The following HGFAC variants were observed in gnomAD, a reference collection of about 807,000 sequenced individuals.
HGFAC encodes the protein HGF activator.
Under a neutral mutation model 70.6 loss-of-function variants are expected in HGFAC, and 76 were observed. The ratio of observed to expected loss-of-function variants is 1.08; its 90% confidence interval spans 0.89 to 1.30. The LOEUF is 1.30. HGFAC is among the 50% of genes most tolerant of loss of function. The pLI is 0.00. For synonymous variants in HGFAC, 464 were observed against 405.3 expected, an observed-to-expected ratio of 1.14 and a Z score of -1.74; for missense variants, 1,044 against 933.7, an observed-to-expected ratio of 1.12 and a Z score of -1.54.
intron 5 of HGFAC, 42 bp from the exon 6 acceptor site, chr4:3,444,269 C>T (rs764815435): frequency 7.0e-6 from 11 of 1,568,306 alleles, no homozygotes; most frequent in Non-Finnish European, 9.5e-6. Flanking sequence ...TGCACGGGGA[C>T]AGCAGGTGGC....
chr4:3,445,913 G>T (rs746376115), intron 9 of HGFAC, 129 bp from the exon 10 acceptor site: 3 of 1,551,118 alleles, frequency 1.9e-6, no homozygotes, highest in African/African-American at 2.7e-5. Context: ...GGGCGCCAGG[G>T]CCTGAGCAGC....
In HGFAC at chr4:3,449,388, G is replaced by A. The variant is rs199995558; in HGVS notation, c.1937G>A (p.Arg646Gln). ...NYVDWINDRIRPPRRLVAPS is the reference protein window; with the variant it reads ...NYVDWINDRIQPPRRLVAPS The stretch of plus-strand genomic sequence containing the variant: ...GTGGACTGGATCAACGACCGGATAC[G>A]GCCTCCCAGGCGGCTTGTGGCTCCC... Residue 646 changes from arginine (R) to glutamine (Q), a missense_variant, in exon 14 of 14, where the codon CGG (arginine) becomes CAG (glutamine). By Grantham distance (43) the Arg-to-Gln change is conservative. Transcript: ENST00000382774. 16 of 1,572,932 alleles carry A rather than the reference G, an allele frequency of 1.0e-5. No individual in the cohort carries two copies. In the African/African-American group the frequency reaches 1.9e-4, roughly 19 times the overall value.
At position 3,441,970 on chromosome 4, in the gene HGFAC, C is replaced by T; in HGVS notation, c.-32C>T. On this transcript the variant is annotated 5_prime_UTR_variant, in exon 1 of 14. Coordinates refer to ENST00000382774, the MANE Select transcript of HGFAC (RefSeq NM_001528.4). This position sits in a 1 kb window ranked among gnomAD's most constrained non-coding sequence, Gnocchi z 6.0. ...CCTGCCTTGGCCGCTCTGCTCCCGCCTCCCACTGCCCCTCAGGCCAGCTCA... is the reference window on the plus strand; with the variant it reads ...CCTGCCTTGGCCGCTCTGCTCCCGCTTCCCACTGCCCCTCAGGCCAGCTCA... The T allele has an allele frequency of 2.3e-6, 3 of 1,296,212 alleles. No homozygotes were observed. The highest frequency in any genetic ancestry group is 3.1e-6 in the Non-Finnish European group (3 of 974,350). 80.3% of individuals were successfully genotyped at this position (1,296,212 alleles called of 1,614,324 possible).
chr4:3,444,055 T>G lies in HGFAC; in HGVS notation c.492T>G (p.Cys164Trp), dbSNP rs1252263864. Residue 164 changes from cysteine (C) to tryptophan (W), a missense_variant, in exon 5 of 14, where the codon TGT becomes TGG. Cys to Trp is a radical substitution (Grantham distance 215). Coordinates refer to ENST00000382774, the MANE Select transcript of HGFAC (RefSeq NM_001528.4). ...PPGGPAALDP[C>W]ASGPCLNGGS... ...TGTCCCCAGCTGCCCTGGATCCCTG[T>G]GCCTCCGGCCCCTGCCTCAATGGAG... 6.3e-7 allele frequency: 1 copy of G among 1,597,204 alleles called. No homozygotes were observed. The highest frequency in any genetic ancestry group is 1.7e-5 in the Admixed American group (1 of 57,850).
chr4:3,446,192 C>G lies in HGFAC; in HGVS notation c.1253C>G (p.Ser418Trp). The G allele has an allele frequency of 1.2e-6, 2 of 1,611,072 alleles. No homozygotes were observed. Among genetic ancestry groups the G allele is most frequent in the Middle Eastern group, 1.7e-4 (1 of 6,052 alleles). Residue 418 changes from serine (S) to tryptophan (W), a missense_variant, in exon 10 of 14, where the codon TCG becomes TGG. Transcript: ENST00000382774. ...IIGGSSSLPG[S>W]HPWLAAIYIG... ...GGCGGCTCCTCCTCGCTGCCCGGCT[C>G]GCACCCCTGGCTGGCCGCCATCTAC...
In HGFAC at chr4:3,446,280, C is replaced by T. The variant is rs1335896287; in HGVS notation, c.1341C>T (p.His447=). The part of the protein sequence containing the change: ...VHTCWVVSAA[H]CFSHSPPRDS... The stretch of plus-strand genomic sequence containing the variant: ...CCTGCTGGGTGGTGTCGGCCGCCCA[C>T]TGCTTCTCCCACAGGTGCACCTCCT... Residue 447 remains histidine (H), a synonymous_variant, in exon 10 of 14, where the codon CAC becomes CAT. Coordinates refer to ENST00000382774, the MANE Select transcript of HGFAC (RefSeq NM_001528.4). 1.2e-6 allele frequency: 2 copies of T among 1,607,202 alleles called. No individual in the cohort carries two copies. Among genetic ancestry groups the T allele is most frequent in the South Asian group, 1.1e-5 (1 of 90,604 alleles).
chr4:3,446,620 C>G (rs180783215), intron 10 of HGFAC, among the ~76,000 whole-genome samples: 1 of 152,130 alleles, frequency 6.6e-6, no homozygotes, highest in East Asian at 1.9e-4. Context: ...AGTCCTGGCT[C>G]TCAGTAGGGA....
chr4:3,445,570 G>A, intron 9 of HGFAC: 1 of 606,528 alleles, frequency 1.6e-6, no homozygotes, highest in Non-Finnish European at 2.9e-6. Context: ...CCAGGCGACG[G>A]CCTCGGGGTG....
rs551446581 is a variant in HGFAC at position 3,444,366 on chromosome 4, C to T, written c.654C>T (p.Ala218=). 63 of 1,601,804 alleles carry T rather than the reference C, an allele frequency of 3.9e-5. No individual in the cohort carries two copies. The East Asian group carries it at 1.3e-3, about 33-fold the overall frequency. Residue 218 remains alanine, a synonymous_variant, in exon 6 of 14, where the codon GCC becomes GCT. Transcript: ENST00000382774. Reference sequence around the variant, plus strand: ...ACCTGGAGGGGGGCGACCGCTGGGCCCGCGTGCGCCAGGGCCACGTGGAAC... The same window carrying T: ...ACCTGGAGGGGGGCGACCGCTGGGCTCGCGTGCGCCAGGGCCACGTGGAAC... ...YEYLEGGDRW[A]RVRQGHVEQC... is the part of the protein sequence containing the mutation.
In HGFAC at chr4:3,445,304, G is replaced by A; in HGVS notation, c.1056G>A (p.Val352=). ...DNDERPWCYV[V]KDSALSWEYC... Reference sequence around the variant, plus strand: ...ACGAGAGGCCCTGGTGCTACGTGGTGAAGGACAGCGCGCTCTCCTGGGAGT... The same window carrying A: ...ACGAGAGGCCCTGGTGCTACGTGGTAAAGGACAGCGCGCTCTCCTGGGAGT... Residue 352 remains valine, a synonymous_variant, in exon 9 of 14, where the codon GTG becomes GTA. Coordinates refer to ENST00000382774, the MANE Select transcript of HGFAC (RefSeq NM_001528.4). 1 of 1,589,346 alleles carries A rather than the reference G, an allele frequency of 6.3e-7. No homozygotes were observed. The highest frequency in any genetic ancestry group is 8.6e-7 in the Non-Finnish European group (1 of 1,168,866).
chr4:3,443,615 T>A (rs910635867), intron 4 of HGFAC, among the ~76,000 whole-genome samples, 195 bp downstream of exon 4: 2 of 152,184 alleles, frequency 1.3e-5, no homozygotes, highest in East Asian at 3.9e-4. Flanking sequence ...TCATGGTGGC[T>A]GCGCGGCCAT....
At position 3,448,680 on chromosome 4, in the gene HGFAC, C is replaced by G. The variant is rs550668432; in HGVS notation, c.1785+404C>G. Among the ~76,000 whole-genome samples the G allele has an allele frequency of 4.6e-5, 7 of 152,362 alleles. No homozygotes were observed. The South Asian group carries it at 1.4e-3, about 32-fold the overall frequency. On this transcript the variant is annotated intron_variant, in intron 13 of 13. Transcript: ENST00000382774. Reference sequence around the variant, plus strand: ...CCTTCAATAAGCCCAACAGCCCAACCACGTCCTGGGCTCTGCAGGCCTGTG... The same window carrying G: ...CCTTCAATAAGCCCAACAGCCCAACGACGTCCTGGGCTCTGCAGGCCTGTG...
chr4:3,444,768 A>G (rs1209236125), intron 7 of HGFAC, 35 bp downstream of exon 7: 37 of 1,576,280 alleles, frequency 2.3e-5, no homozygotes, highest in Non-Finnish European at 3.2e-5. Context: ...GCCCTGGGGC[A>G]GTGCCGGGTG....
In HGFAC at chr4:3,448,013, G is replaced by C; in HGVS notation, c.1614G>C (p.Ala538=). 1.3e-6 allele frequency: 2 copies of C among 1,564,422 alleles called. No individual in the cohort carries two copies. The highest frequency in any genetic ancestry group is 1.7e-6 in the Non-Finnish European group (2 of 1,155,278). ...TFPAGHKCQI[A]GWGHLDENVS... ...CCGCAGGACACAAGTGCCAGATTGC[G>C]GGCTGGGGCCACTTGGATGAGAGTG... Residue 538 remains alanine (A), a synonymous_variant, in exon 12 of 14, where the codon GCG becomes GCC. Coordinates refer to ENST00000382774, the MANE Select transcript of HGFAC (RefSeq NM_001528.4).
chr4:3,443,021 G>A, intron 2 of HGFAC, 29 bp from the exon 3 acceptor site: 3 of 1,566,942 alleles, frequency 1.9e-6, no homozygotes, highest in Non-Finnish European at 2.6e-6. Context: ...CCTCGAGGGA[G>A]CCCTGACCCT....
In HGFAC at chr4:3,448,192, C is replaced by T. The variant is rs1378167664; in HGVS notation, c.1701C>T (p.Cys567=). 3.7e-6 allele frequency: 6 copies of T among 1,605,744 alleles called. No homozygotes were observed. Among genetic ancestry groups the T allele is most frequent in the Non-Finnish European group, 5.1e-6 (6 of 1,177,562 alleles). ...TCCCCCTGGTCGCCGACCACAAGTG[C>T]AGCAGCCCTGAGGTCTACGGCGCCG... is the stretch of plus-strand genomic sequence containing the variant. The part of the protein sequence containing the change: ...ALVPLVADHK[C]SSPEVYGADI... The change falls in exon 13 of 14, where the codon TGC becomes TGT. Residue 567 remains cysteine (C), a synonymous_variant. Coordinates refer to ENST00000382774, the MANE Select transcript of HGFAC (RefSeq NM_001528.4).
intron 6 of HGFAC, 53 bp downstream of exon 6, chr4:3,444,495 C>T: frequency 2.0e-6 from 3 of 1,535,904 alleles, no homozygotes; most frequent in East Asian, 4.6e-5. Context: ...TGTCCCTGTC[C>T]ACACCCGAGT....
Position 3,444,847 on chromosome 4 carries a change from C to CGGCACTGGGTACCGT in HGFAC, c.874_888dup (p.Thr292_Gly296dup), listed in dbSNP as rs1725443929. On this transcript the variant is annotated inframe_insertion, in exon 8 of 14. Coordinates refer to ENST00000382774, the MANE Select transcript of HGFAC (RefSeq NM_001528.4). ...CTGATGAGCGCTGCTTCTTGGGGAACGGCACTGGGTACCGTGGCGTGGCCA... is the reference window on the plus strand; with the variant it reads ...CTGATGAGCGCTGCTTCTTGGGGAACGGCACTGGGTACCGTGGCACTGGGTACCGTGGCGTGGCCA... 4 of 1,600,778 alleles carry CGGCACTGGGTACCGT rather than the reference C, an allele frequency of 2.5e-6. No homozygotes were observed. The highest frequency in any genetic ancestry group is 3.4e-6 in the Non-Finnish European group (4 of 1,174,160).
At chr4:3,445,467 CTG>C (rs930058582) in intron 9 of HGFAC, 117 bp downstream of exon 9, 8 of 766,246 alleles carry the variant, frequency 1.0e-5, no homozygotes, top group African/African-American at 8.6e-5. Flanking sequence ...AATGGGGAAA[CTG>C]GAGCTCACGG....
Sources: gnomAD v4.1 joint callset for allele counts (sites outside exome capture counted in the v4.1 genomes callset) on GRCh38, gnomAD v4.1.1 for gene constraint, Gnocchi (gnomAD v3.1) non-coding constraint, MANE v1.5 for transcripts, NCBI Gene and HGNC (gene_info 2026-07-23, HGNC 2026-07-21) for gene names.